The following KCNS1 variants were observed in gnomAD, a reference collection of about 807,000 sequenced individuals.
KCNS1 encodes the protein potassium voltage-gated channel modifier subfamily S member 1.
In KCNS1, 26 loss-of-function variants were observed where a neutral mutation model predicts 33.1. That is an observed-to-expected ratio of 0.79 (90% CI 0.58 to 1.09). The LOEUF is 1.09. KCNS1 is among the 50% of genes least tolerant of loss of function. The pLI, the probability that KCNS1 is intolerant of heterozygous loss-of-function variation, is 0.00. For synonymous variants in KCNS1, 299 were observed against 338.8 expected (o/e 0.88, Z 1.29); for missense variants, 702 against 752.4 (o/e 0.93, Z 0.78).
Position 45,095,244 on chromosome 20 carries a change from C to T in KCNS1, c.1207G>A (p.Val403Met), listed in dbSNP as rs148463252. 126 of 1,614,132 alleles carry T rather than the reference C, an allele frequency of 7.8e-5. No homozygotes were observed. Among genetic ancestry groups the T allele is most frequent in the Non-Finnish European group, 1.1e-4 (125 of 1,180,026 alleles). ...CAGGCTGGGATGGTGTTAAAGCCCA[C>T]GTCCTCCTCCTTTTCAGCTGTGTAG... The part of the protein sequence containing the change: ...VAYTAEKEED[V>M]GFNTIPACWW... The change falls in exon 4 of 4, where the codon GTG becomes ATG. Residue 403 changes from valine to methionine, a missense_variant. This residue lies in a region of KCNS1 where 253 missense variants were observed against 327.4 expected (regional missense o/e 0.77). Coordinates refer to ENST00000537075, the MANE Select transcript of KCNS1 (RefSeq NM_001322799.2).
chr20:45,095,867 C>G (rs1177559934), intron 3 of KCNS1, among the ~76,000 whole-genome samples: 2 of 152,208 alleles, frequency 1.3e-5, no homozygotes, highest in African/African-American at 4.8e-5. Flanking sequence ...CAGTGATTCT[C>G]AAACAGGGTG....
At position 45,099,159 on chromosome 20, in the gene KCNS1, A is replaced by ACCT; in HGVS notation, c.75_76+1dup. The stretch of plus-strand genomic sequence containing the variant: ...CTGCAAAATGAGGATAGTAACACTT[A>ACCT]CCTCCTAGGGGTGTTGGCAGCACCA... On this transcript the variant is annotated splice_donor_variant, in intron 2 of 3. Coordinates refer to ENST00000537075, the MANE Select transcript of KCNS1 (RefSeq NM_001322799.2). LOFTEE classifies it high-confidence loss of function. The ACCT allele has an allele frequency of 6.4e-7, 1 of 1,550,768 alleles. No homozygotes were observed.
intron 1 of KCNS1, among the ~76,000 whole-genome samples, 152 bp downstream of exon 1, chr20:45,100,769 C>A (rs1254244530): frequency 2.6e-5 from 4 of 152,188 alleles, no homozygotes; most frequent in Non-Finnish European, 5.9e-5. Flanking sequence ...GTCTCCAAAG[C>A]GCGGCCACCC....
At position 45,098,548 on chromosome 20, in the gene KCNS1, C is replaced by T. The variant is rs758641099; in HGVS notation, c.224G>A (p.Arg75Gln). The T allele has an allele frequency of 3.5e-6, 5 of 1,424,788 alleles. No individual in the cohort carries two copies. The highest frequency in any genetic ancestry group is 3.0e-5 in the African/African-American group (2 of 66,474). 88.3% of individuals were successfully genotyped at this position (1,424,788 alleles called of 1,614,324 possible). ...ARALARFPGT[R>Q]LGRLQAAASE... ...CGCCGCGGCCTGCAGGCGGCCCAGC[C>T]GCGTGCCCGGGAAGCGCGCCAGGGC... The change falls in exon 3 of 4, where the codon CGG becomes CAG. Residue 75 changes from arginine (R) to glutamine (Q), a missense_variant. This residue lies in a region of KCNS1 where 374 missense variants were observed against 352.3 expected (regional missense o/e 1.06). Transcript: ENST00000537075. The surrounding 1 kb of genome is among the most constrained non-coding windows in gnomAD (Gnocchi z 5.2).
In KCNS1 at chr20:45,094,678, T is replaced by A; in HGVS notation, c.*192A>T. On this transcript the variant is annotated 3_prime_UTR_variant, in exon 4 of 4. Transcript: ENST00000537075. ...AGGCAGGTTTATAAAGCTTTCTGAG[T>A]TGCTTGCAGAATCTCACAGAATCTA... 3.5e-6 allele frequency: 2 copies of A among 579,300 alleles called. No homozygotes were observed. Among genetic ancestry groups the A allele is most frequent in the African/African-American group, 3.7e-5 (2 of 53,794 alleles). 35.9% of individuals were successfully genotyped at this position (579,300 alleles called of 1,614,324 possible).
Position 45,099,094 on chromosome 20 carries a change from G to C in KCNS1, c.76+67C>G. 4 of 1,527,250 alleles carry C rather than the reference G, an allele frequency of 2.6e-6. No individual in the cohort carries two copies. In the South Asian group the frequency reaches 4.8e-5, roughly 18 times the overall value. 94.6% of individuals were successfully genotyped at this position (1,527,250 alleles called of 1,614,324 possible). A position where few individuals can be genotyped will look rare whatever the true frequency, so the allele number is the denominator to read the frequency against. On this transcript the variant is annotated intron_variant, in intron 2 of 3. Coordinates refer to ENST00000537075, the MANE Select transcript of KCNS1 (RefSeq NM_001322799.2). ...GATTTATTTACACCAAAGGTCTACT[G>C]TGGGATCTTGGGCCCGCCAGCCCTC...
intron 1 of KCNS1, chr20:45,100,469 A>G (rs957615579): frequency 2.0e-5 from 3 of 152,262 alleles, no homozygotes; most frequent in African/African-American, 4.8e-5. Flanking sequence ...TTCCTGCTCT[A>G]TGAAACAGGA....
intron 1 of KCNS1, chr20:45,100,031 A>G (rs1264258433): frequency 6.6e-6 from 1 of 152,158 alleles, no homozygotes; most frequent in Non-Finnish European, 1.5e-5. Flanking sequence ...TTACCTCTAG[A>G]ATGGGGATAA....
chr20:45,097,754 C>A lies in KCNS1; in HGVS notation c.1018G>T (p.Val340Leu), dbSNP rs770553057. The change falls in exon 3 of 4, where the codon GTG (valine) becomes TTG (leucine). Residue 340 changes from valine to leucine, a missense_variant. This residue lies in a region of KCNS1 where 253 missense variants were observed against 327.4 expected (regional missense o/e 0.77). Coordinates refer to ENST00000537075, the MANE Select transcript of KCNS1 (RefSeq NM_001322799.2). ...CGCATGAGGCGGAACACCTGCACCA[C>A]CTTGCCCAGGTGGCCGAACTCCTTG... ...GGKEFGHLGK[V>L]VQVFRLMRIF... 3.7e-6 allele frequency: 6 copies of A among 1,613,078 alleles called. No homozygotes were observed. The African/African-American group carries it at 8.0e-5, about 22-fold the overall frequency.
chr20:45,099,766 T>A (rs1981334309), intron 1 of KCNS1, among the ~76,000 whole-genome samples: 1 of 152,204 alleles, frequency 6.6e-6, no homozygotes, highest in African/African-American at 2.4e-5. Flanking sequence ...GTGCTCAGCC[T>A]TAGTGGATAC....
intron 1 of KCNS1, among the ~76,000 whole-genome samples, chr20:45,099,886 G>C (rs986136649): frequency 1.6e-4 from 25 of 152,016 alleles, no homozygotes; most frequent in African/African-American, 5.1e-4. Context: ...TGTGGGTTCA[G>C]TAATGCCTAG....
At chr20:45,099,597 C>T (rs1468886271) in intron 1 of KCNS1, among the ~76,000 whole-genome samples, 1 of 152,218 alleles carries the variant, frequency 6.6e-6, no homozygotes, top group Non-Finnish European at 1.5e-5. Flanking sequence ...ACTGGTGTCA[C>T]TATCTTCTGG....
Position 45,094,833 on chromosome 20 carries a change from C to T in KCNS1, c.*37G>A. 2 of 1,523,244 alleles carry T rather than the reference C, an allele frequency of 1.3e-6. No individual in the cohort carries two copies. 94.4% of individuals were successfully genotyped at this position (1,523,244 alleles called of 1,614,324 possible). On this transcript the variant is annotated 3_prime_UTR_variant, in exon 4 of 4. Transcript: ENST00000537075. ...AACTTTAGCAGGGGAGGAATCTCTA[C>T]TGTAGGGGCATGGCAGGGGGTCACG...
chr20:45,095,666 C>T (rs146042934), intron 3 of KCNS1, among the ~76,000 whole-genome samples: 79 of 152,320 alleles, frequency 5.2e-4, no homozygotes, highest in African/African-American at 1.9e-3. Flanking sequence ...GTTGCAGAAC[C>T]AAGAGAACCA....
intron 2 of KCNS1, 151 bp downstream of exon 2, chr20:45,099,010 G>T: frequency 1.3e-6 from 1 of 781,946 alleles, no homozygotes; most frequent in South Asian, 1.9e-5. Context: ...GGAATCGCAG[G>T]ATGTCCTGGC....
Position 45,092,938 on chromosome 20 carries a change from T to C in KCNS1, c.*1932A>G, listed in dbSNP as rs1211511512. On this transcript the variant is annotated 3_prime_UTR_variant, in exon 4 of 4. Transcript: ENST00000537075. Reference sequence around the variant, plus strand: ...CGCTATATTTATGTGATTATTGCATTAGAGTCTATCTTCCCTACTAGTCGG... The same window carrying C: ...CGCTATATTTATGTGATTATTGCATCAGAGTCTATCTTCCCTACTAGTCGG... The C allele has an allele frequency of 6.6e-6, 1 of 152,068 alleles. No homozygotes were observed. Among genetic ancestry groups the C allele is most frequent in the African/African-American group, 2.4e-5 (1 of 41,386 alleles). The allele number at this position is 152,068 out of a possible 1,614,324, so 9.4% of individuals were successfully genotyped here. A position where few individuals can be genotyped will look rare whatever the true frequency, so the allele number is the denominator to read the frequency against.
chr20:45,092,132 C>T lies in KCNS1; in HGVS notation c.*2738G>A, dbSNP rs1981017398. On this transcript the variant is annotated 3_prime_UTR_variant, in exon 4 of 4. Coordinates refer to ENST00000537075, the MANE Select transcript of KCNS1 (RefSeq NM_001322799.2). The stretch of plus-strand genomic sequence containing the variant: ...TTACCCTTTTTGACCAAGTTTGTTC[C>T]AACTGAATTCCTGTCACTTGCAACC... Among the ~76,000 whole-genome samples, 1 of 151,960 alleles carries T rather than the reference C, an allele frequency of 6.6e-6. No individual in the cohort carries two copies. Among genetic ancestry groups the T allele is most frequent in the African/African-American group, 2.4e-5 (1 of 41,356 alleles).
chr20:45,095,587 G>A, intron 3 of KCNS1, among the ~76,000 whole-genome samples: 1 of 152,320 alleles, frequency 6.6e-6, no homozygotes, highest in South Asian at 2.1e-4. Context: ...GGCTACAGCT[G>A]TTTTTTCCAA....
In KCNS1 at chr20:45,097,694, T is replaced by C; in HGVS notation, c.1078A>G (p.Thr360Ala). 1.2e-6 allele frequency: 2 copies of C among 1,609,038 alleles called. No homozygotes were observed. The highest frequency in any genetic ancestry group is 1.1e-5 in the South Asian group (1 of 90,960). ...GTGGCTCCCAGCGAGCGCAGCCCGG[T>C]GGAATGGCGCGCCAACTTGAGTACG... ...FRVLKLARHS[T>A]GLRSLGATLK... The change falls in exon 3 of 4, where the codon ACC becomes GCC. Residue 360 changes from threonine to alanine, a missense_variant. Physicochemically the swap from Thr to Ala is moderately conservative, Grantham distance 58 (BLOSUM62 0). Coordinates refer to ENST00000537075, the MANE Select transcript of KCNS1 (RefSeq NM_001322799.2).
Sources: allele counts gnomAD v4.1 joint callset (sites outside exome capture counted in the v4.1 genomes callset), GRCh38; gene constraint gnomAD v4.1.1; regional missense constraint gnomAD v4.1.1; non-coding constraint Gnocchi (gnomAD v3.1); transcripts MANE v1.5; gene names NCBI Gene and HGNC (gene_info 2026-07-23, HGNC 2026-07-21).